FRMD4A: variants seen among roughly 807,000 people sequenced by gnomAD.
The protein encoded by FRMD4A is FERM domain-containing protein 4A.
A neutral mutation model predicts 129.1 loss-of-function variants in FRMD4A; 29 were observed. The ratio of observed to expected loss-of-function variants is 0.22; its 90% CI spans 0.17 to 0.31. The LOEUF (loss-of-function observed/expected upper bound fraction) is 0.31. FRMD4A is among the 10% of genes least tolerant of loss of function. The pLI, the probability that FRMD4A is intolerant of heterozygous loss-of-function variation, is 1.00. For synonymous variants in FRMD4A, 634 were observed against 571.6 expected (o/e 1.11, Z -1.56); for missense variants, 1,272 against 1,375.8 (o/e 0.92, Z 1.19).
chr10:13,779,230 C>T (rs1027823319), intron 6 of FRMD4A, among the ~76,000 whole-genome samples: 9 of 151,694 alleles, frequency 5.9e-5, no homozygotes, highest in Non-Finnish European at 8.8e-5. Flanking sequence ...GGCAGAGAAT[C>T]GCTTGAACCC....
intron 2 of FRMD4A, among the ~76,000 whole-genome samples, chr10:14,265,064 G>T (rs1206371275): frequency 1.3e-5 from 2 of 152,238 alleles, no homozygotes; most frequent in African/African-American, 4.8e-5. Context: ...TTACAGGCGT[G>T]AGCCACTGAG....
intron 15 of FRMD4A, among the ~76,000 whole-genome samples, chr10:13,688,379 C>T (rs1339745778): frequency 6.6e-6 from 1 of 151,840 alleles, no homozygotes; most frequent in East Asian, 1.9e-4. Flanking sequence ...GAACATCACA[C>T]ACTGGGGACT....
chr10:13,789,211 C>T (rs1326361192), intron 5 of FRMD4A, among the ~76,000 whole-genome samples: 2 of 152,160 alleles, frequency 1.3e-5, no homozygotes, highest in Non-Finnish European at 2.9e-5. Context: ...TTCTGGTTAG[C>T]AGGAACCTCA....
At chr10:13,832,156 C>T (rs996003481) in intron 3 of FRMD4A, among the ~76,000 whole-genome samples, 1 of 147,002 alleles carries the variant, frequency 6.8e-6, no homozygotes, top group African/African-American at 2.6e-5. Flanking sequence ...CGGCCCAGCT[C>T]ACCGGGGGTG....
At chr10:14,215,042 A>C (rs919238102) in intron 2 of FRMD4A, among the ~76,000 whole-genome samples, 2 of 152,242 alleles carry the variant, frequency 1.3e-5, no homozygotes, top group African/African-American at 4.8e-5. Context: ...ATGAGATTAA[A>C]GATAAAACAT....
intron 2 of FRMD4A, among the ~76,000 whole-genome samples, chr10:13,985,676 A>G (rs1369272444): frequency 6.6e-6 from 1 of 152,222 alleles, no homozygotes; most frequent in Non-Finnish European, 1.5e-5. Flanking sequence ...AGCAGAGAAC[A>G]GGTCCAGGCT....
At chr10:13,943,184 C>T (rs2095306085) in intron 2 of FRMD4A, among the ~76,000 whole-genome samples, 1 of 152,088 alleles carries the variant, frequency 6.6e-6, no homozygotes, top group African/African-American at 2.4e-5. Flanking sequence ...GAAACTTAGG[C>T]AAGTCTGCAT....
intron 2 of FRMD4A, among the ~76,000 whole-genome samples, chr10:13,915,356 A>G (rs2797870): frequency 0.86 from 130,224 of 151,778 alleles, 56,020 homozygotes; most frequent in East Asian, 0.98. Context: ...GGACCAACTA[A>G]GTGGAAAGGG....
In FRMD4A at chr10:13,659,403, G is replaced by T. The variant is rs767309844; in HGVS notation, c.1986C>A (p.Leu662=). The T allele has an allele frequency of 2.5e-6, 4 of 1,613,990 alleles. No homozygotes were observed. The African/African-American group carries it at 4.0e-5, about 16-fold the overall frequency. Residue 662 remains leucine (L), a synonymous_variant, in exon 21 of 25, where the codon CTC becomes CTA. Coordinates refer to ENST00000357447, the MANE Select transcript of FRMD4A (RefSeq NM_018027.5). ...NSLQNSPIRG[L]PHWNSQSSMP... The stretch of plus-strand genomic sequence containing the variant: ...TGCTGGACTGGGAGTTCCAGTGCGG[G>T]AGGCCGCGGATGGGGCTGTTCTGCA...
At chr10:13,684,328 C>T in intron 15 of FRMD4A, 3 of 985,254 alleles carry the variant, frequency 3.0e-6, no homozygotes, top group Non-Finnish European at 3.6e-6. Flanking sequence ...CACGCCAAGT[C>T]AGAAAGTCAT....
intron 2 of FRMD4A, among the ~76,000 whole-genome samples, chr10:14,167,814 C>A (rs1564357653): frequency 6.6e-6 from 1 of 151,976 alleles, no homozygotes; most frequent in African/African-American, 2.4e-5. Context: ...AAAGGATATG[C>A]CCACAGAGAG....
chr10:13,791,505 G>C (rs1331068022), intron 5 of FRMD4A, among the ~76,000 whole-genome samples: 1 of 152,098 alleles, frequency 6.6e-6, no homozygotes, highest in Non-Finnish European at 1.5e-5. Flanking sequence ...GGGAGGTGTG[G>C]TCCAGGGTCA....
At chr10:13,672,069 T>C (rs898661900) in intron 16 of FRMD4A, among the ~76,000 whole-genome samples, 7 of 152,244 alleles carry the variant, frequency 4.6e-5, no homozygotes, top group South Asian at 4.1e-4. Flanking sequence ...TGTGTACGCA[T>C]GTATGCATGT....
intron 2 of FRMD4A, among the ~76,000 whole-genome samples, chr10:14,106,829 A>G (rs1837611278): frequency 6.6e-6 from 1 of 151,318 alleles, no homozygotes; most frequent in African/African-American, 2.4e-5. Flanking sequence ...AAATCGAGCT[A>G]CCGTTTGACC....
At chr10:13,987,350 C>T (rs1406973798) in intron 2 of FRMD4A, among the ~76,000 whole-genome samples, 1 of 152,130 alleles carries the variant, frequency 6.6e-6, no homozygotes, top group Non-Finnish European at 1.5e-5. Context: ...CCCACCCCTC[C>T]CATGAAAAAG....
At chr10:13,882,060 A>T (rs1881587) in intron 2 of FRMD4A, among the ~76,000 whole-genome samples, 1,551 of 150,210 alleles carry the variant, frequency 0.01, 40 homozygotes, top group African/African-American at 0.036. Flanking sequence ...TAAGAAAAGA[A>T]GTTTAAGAAA....
chr10:13,701,537 A>G, intron 13 of FRMD4A, 59 bp from the exon 14 acceptor site: 1 of 1,537,884 alleles, frequency 6.5e-7, no homozygotes, highest in South Asian at 1.2e-5. Context: ...ACCATTTCTC[A>G]GTCAACAGCT....
At chr10:14,221,729 T>G (rs960481677) in intron 2 of FRMD4A, among the ~76,000 whole-genome samples, 3 of 151,872 alleles carry the variant, frequency 2.0e-5, no homozygotes, top group Non-Finnish European at 2.9e-5. Flanking sequence ...CGGGTAATTT[T>G]TTTTTTTTAG....
chr10:13,747,944 T>G, intron 8 of FRMD4A, 125 bp from the exon 9 acceptor site: 1 of 680,948 alleles, frequency 1.5e-6, no homozygotes, highest in Non-Finnish European at 2.7e-6. Flanking sequence ...TAAAAAGCAG[T>G]GGGGGGAAGG....
Sources: gnomAD v4.1 joint callset for allele counts (sites outside exome capture counted in the v4.1 genomes callset) on GRCh38, gnomAD v4.1.1 for gene constraint, MANE v1.5 for transcripts, NCBI Gene and HGNC (gene_info 2026-07-23, HGNC 2026-07-21) for gene names.